Variants in STAU2 observed in about 807,000 individuals in gnomAD.
The protein encoded by STAU2 is staufen double-stranded RNA binding protein 2, also known as double-stranded RNA-binding protein Staufen homolog 2.
STAU2 carries 20 observed loss-of-function variants against 65.9 expected under a neutral mutation model. The observed-to-expected ratio is 0.30, with a 90% CI of 0.21 to 0.44. STAU2 has a LOEUF of 0.44. Ranked by LOEUF, STAU2 falls within the 20% of genes least tolerant of loss-of-function variation. STAU2 has a pLI of 1.00. For synonymous variants in STAU2, 232 were observed against 233.9 expected, an observed-to-expected ratio of 0.99 and a Z score of 0.07; for missense variants, 558 against 683.9, an observed-to-expected ratio of 0.82 and a Z score of 2.05.
chr8:73,701,038 A>C (rs558265600), intron 4 of STAU2, among the ~76,000 whole-genome samples: 2 of 152,320 alleles, frequency 1.3e-5, no homozygotes, highest in South Asian at 4.1e-4. Flanking sequence ...AGTCTCTTCA[A>C]TAAATGGTAC....
chr8:73,672,089 G>A (rs1817723412), intron 6 of STAU2: 3 of 152,074 alleles, frequency 2.0e-5, no homozygotes, highest in African/African-American at 7.2e-5. Context: ...TATATTAAGT[G>A]AAAAGAGAGT....
intron 13 of STAU2, among the ~76,000 whole-genome samples, chr8:73,486,642 A>T (rs1288911958): frequency 1.5e-5 from 2 of 133,140 alleles, no homozygotes; most frequent in South Asian, 2.4e-4. Flanking sequence ...TTTATAAGTA[A>T]ATATATATAT....
chr8:73,666,390 C>T (rs541381002), intron 6 of STAU2, among the ~76,000 whole-genome samples: 4 of 152,276 alleles, frequency 2.6e-5, no homozygotes, highest in South Asian at 4.1e-4. Flanking sequence ...AAACTTCTTT[C>T]GCCCTATCAA....
At chr8:73,542,566 A>G (rs1259538947) in intron 13 of STAU2, among the ~76,000 whole-genome samples, 1 of 152,168 alleles carries the variant, frequency 6.6e-6, no homozygotes, top group Admixed American at 6.5e-5. Context: ...AGGGAGGGAG[A>G]TAATATTTGT....
At chr8:73,587,457 G>A (rs567496610) in intron 11 of STAU2, among the ~76,000 whole-genome samples, 32 of 152,282 alleles carry the variant, frequency 2.1e-4, no homozygotes, top group African/African-American at 7.7e-4. Context: ...AACCTTAACA[G>A]CAGCTCTGCA....
intron 6 of STAU2, among the ~76,000 whole-genome samples, chr8:73,649,701 C>T (rs1815684550): frequency 6.6e-6 from 1 of 151,434 alleles, no homozygotes; most frequent in African/African-American, 2.4e-5. Flanking sequence ...CTATGATGGA[C>T]AGGGCAGTTT....
At chr8:73,482,096 A>C (rs1820663439) in intron 13 of STAU2, among the ~76,000 whole-genome samples, 1 of 152,114 alleles carries the variant, frequency 6.6e-6, no homozygotes, top group African/African-American at 2.4e-5. Flanking sequence ...GTGTGGGGCC[A>C]CACTTGGTGC....
intron 3 of STAU2, among the ~76,000 whole-genome samples, chr8:73,733,314 C>A (rs1279846433): frequency 6.6e-6 from 1 of 152,222 alleles, no homozygotes; most frequent in African/African-American, 2.4e-5. Context: ...TTAGGACACA[C>A]TGACCTGTCA....
rs988872565 is a variant in STAU2, at chr8:73,727,583, C to T, written c.-18+10701G>A. On this transcript the variant is annotated intron_variant, in intron 3 of 14. Transcript: ENST00000524300. ...TTACTGCTAGACAATTTATGGAATA[C>T]AGACTACTGCAATTTGTTTACTCAT... Among the ~76,000 whole-genome samples, 6 of 152,324 alleles carry T rather than the reference C, an allele frequency of 3.9e-5. No homozygotes were observed. In the East Asian group the frequency reaches 1.2e-3, roughly 29 times the overall value.
At chr8:73,530,418 G>A (rs1805737201) in intron 13 of STAU2, among the ~76,000 whole-genome samples, 2 of 152,204 alleles carry the variant, frequency 1.3e-5, no homozygotes, top group African/African-American at 2.4e-5. Context: ...AACACACAAA[G>A]GAACAAAGGA....
chr8:73,426,056 G>T (rs1816800287), intron 13 of STAU2, among the ~76,000 whole-genome samples: 1 of 152,112 alleles, frequency 6.6e-6, no homozygotes. Flanking sequence ...GCCTCCCAAA[G>T]TATTGGGATT....
At chr8:73,470,642 A>AT (rs1477394963) in intron 13 of STAU2, among the ~76,000 whole-genome samples, 4 of 151,494 alleles carry the variant, frequency 2.6e-5, no homozygotes, top group South Asian at 2.1e-4. Context: ...TACAAAAAAA[A>AT]TTTTTTTTTA....
intron 12 of STAU2, among the ~76,000 whole-genome samples, chr8:73,558,530 A>C (rs1356471368): frequency 6.6e-6 from 1 of 152,196 alleles, no homozygotes; most frequent in Non-Finnish European, 1.5e-5. Context: ...TGAATTGGAG[A>C]GCTCTTAAAA....
chr8:73,588,620 G>A (rs1199337911), intron 11 of STAU2, among the ~76,000 whole-genome samples: 1 of 152,164 alleles, frequency 6.6e-6, no homozygotes, highest in Non-Finnish European at 1.5e-5. Context: ...TATGCCGTTG[G>A]GGCAAAGGCA....
intron 13 of STAU2, among the ~76,000 whole-genome samples, chr8:73,532,055 T>G (rs1309089228): frequency 1.3e-5 from 2 of 152,108 alleles, no homozygotes; most frequent in Admixed American, 1.3e-4. Flanking sequence ...CCTGAAAAAC[T>G]GAATTCCCAG....
intron 5 of STAU2, among the ~76,000 whole-genome samples, chr8:73,678,427 A>G (rs943148069): frequency 2.6e-5 from 4 of 152,162 alleles, no homozygotes; most frequent in Non-Finnish European, 4.4e-5. Flanking sequence ...TCCTCATAGT[A>G]TTCCCTCTGG....
At chr8:73,536,194 T>C (rs1026874424) in intron 13 of STAU2, among the ~76,000 whole-genome samples, 2 of 152,096 alleles carry the variant, frequency 1.3e-5, no homozygotes, top group African/African-American at 4.8e-5. Flanking sequence ...AATTCCAAAA[T>C]GTGGAGAGAA....
intron 11 of STAU2, among the ~76,000 whole-genome samples, chr8:73,590,244 G>GTCC (rs983923307): frequency 7.3e-5 from 11 of 151,310 alleles, no homozygotes; most frequent in African/African-American, 2.7e-4. Context: ...AGAGTACAGG[G>GTCC]GCAGAGGAGA....
At chr8:73,624,157 T>C (rs1813472561) in intron 6 of STAU2, among the ~76,000 whole-genome samples, 1 of 152,156 alleles carries the variant, frequency 6.6e-6, no homozygotes, top group Non-Finnish European at 1.5e-5. Flanking sequence ...AAAAAAATAC[T>C]TAATTGAAGG....
Sources: gnomAD v4.1 joint callset for allele counts (sites outside exome capture counted in the v4.1 genomes callset) on GRCh38, gnomAD v4.1.1 for gene constraint, MANE v1.5 for transcripts, NCBI Gene and HGNC (gene_info 2026-07-23, HGNC 2026-07-21) for gene names.